The following GLRA3 variants were observed in gnomAD, a reference collection of about 807,000 sequenced individuals.
GLRA3 encodes glycine receptor subunit alpha-3.
A neutral mutation model predicts 60.4 loss-of-function variants in GLRA3; 44 were observed. The observed-to-expected ratio is 0.73, with a 90% CI of 0.57 to 0.94. The LOEUF (loss-of-function observed/expected upper bound fraction) is 0.94, where lower values mean the gene tolerates loss of function less well. GLRA3 is among the 40% of genes least tolerant of loss of function. The pLI is 0.00. For missense variants in GLRA3, 508 were observed against 564.6 expected, an observed-to-expected ratio of 0.90 and a Z score of 1.02; for synonymous variants, 223 against 192.9, an observed-to-expected ratio of 1.16 and a Z score of -1.29.
chr4:174,759,528 A>C (rs895128317), intron 3 of GLRA3, among the ~76,000 whole-genome samples: 1 of 152,114 alleles, frequency 6.6e-6, no homozygotes, highest in African/African-American at 2.4e-5. Context: ...GCTCATCTTT[A>C]TATTCAACTC....
At chr4:174,654,622 A>T (rs1006538270) in intron 9 of GLRA3, among the ~76,000 whole-genome samples, 9 of 152,076 alleles carry the variant, frequency 5.9e-5, no homozygotes, top group Non-Finnish European at 1.5e-5. Context: ...ATTGTGGAGG[A>T]AGCTACATGA....
Position 174,677,190 on chromosome 4 carries a change from C to A in GLRA3, c.815G>T (p.Trp272Leu). The A allele has an allele frequency of 6.2e-7, 1 of 1,612,298 alleles. No homozygotes were observed. Among genetic ancestry groups the A allele is most frequent in the Non-Finnish European group, 8.5e-7 (1 of 1,178,416 alleles). The change falls in exon 7 of 10, where the codon TGG becomes TTG. Residue 272 changes from tryptophan to leucine, a missense_variant. By Grantham distance (61) the Trp-to-Leu change is moderately conservative. Around this residue, in one of 3 missense-constraint regions of GLRA3, gnomAD observed 329 missense variants for 349.3 expected, o/e 0.94. Coordinates refer to ENST00000274093, the MANE Select transcript of GLRA3 (RefSeq NM_006529.4). ...ATCCATGTTGATCCAGAATGAAACCCAGGATAGAATAACAATCAGGAGACT... is the reference window on the plus strand; with the variant it reads ...ATCCATGTTGATCCAGAATGAAACCAAGGATAGAATAACAATCAGGAGACT... ...IPSLLIVILSWVSFWINMDAA... is the reference protein window; with the variant it reads ...IPSLLIVILSLVSFWINMDAA...
intron 7 of GLRA3, among the ~76,000 whole-genome samples, chr4:174,661,035 G>A (rs988311563): frequency 2.6e-5 from 4 of 152,092 alleles, no homozygotes; most frequent in African/African-American, 9.7e-5. Flanking sequence ...TTTTGAGTCA[G>A]CCCTTTCTCT....
chr4:174,758,981 CT>C (rs1355138533), intron 3 of GLRA3, among the ~76,000 whole-genome samples: 1 of 152,004 alleles, frequency 6.6e-6, no homozygotes, highest in African/African-American at 2.4e-5. Context: ...GTATTTAATG[CT>C]TTTCATATTC....
At chr4:174,796,336 G>C (rs982450540) in intron 1 of GLRA3, among the ~76,000 whole-genome samples, 4 of 152,114 alleles carry the variant, frequency 2.6e-5, no homozygotes, top group African/African-American at 9.7e-5. Context: ...AAGCCATCCA[G>C]TTTATAGTAT....
chr4:174,683,227 T>A (rs571136190), intron 5 of GLRA3, among the ~76,000 whole-genome samples: 1 of 152,328 alleles, frequency 6.6e-6, no homozygotes, highest in African/African-American at 2.4e-5. Flanking sequence ...TTCCTTGGGA[T>A]GGGTAGCTAC....
intron 4 of GLRA3, among the ~76,000 whole-genome samples, chr4:174,722,054 A>G (rs912320742): frequency 6.6e-6 from 1 of 151,984 alleles, no homozygotes; most frequent in Non-Finnish European, 1.5e-5. Flanking sequence ...ATATCTATCT[A>G]TATCTATATC....
rs1005750138 is a variant in GLRA3, at chr4:174,704,489, G to T, written c.574+10999C>A. ...GGTGTAAAGAAATTGGAACTCTAGT[G>T]TACTGCTGGTGGAGTATAAGATGGT... On this transcript the variant is annotated intron_variant, in intron 5 of 9. Coordinates refer to ENST00000274093, the MANE Select transcript of GLRA3 (RefSeq NM_006529.4). Among the ~76,000 whole-genome samples the T allele has an allele frequency of 9.7e-5, 14 of 143,764 alleles. 2 individuals carry two copies. Among genetic ancestry groups the T allele is most frequent in the African/African-American group, 3.5e-4 (14 of 39,810 alleles). 94.3% of individuals were successfully genotyped at this position (143,764 alleles called of 152,430 possible). A position where few individuals can be genotyped will look rare whatever the true frequency, so the allele number is the denominator to read the frequency against.
rs111376247 is a variant in GLRA3, at chr4:174,638,107, T to G, written c.*5679A>C. On this transcript the variant is annotated 3_prime_UTR_variant, in exon 10 of 10. Coordinates refer to ENST00000274093, the MANE Select transcript of GLRA3 (RefSeq NM_006529.4). ...TTAGGAAGTAAAAGTCATTTCTTGA[T>G]GAAGATTAACATTTTTATCATCTAG... 1 of 151,628 alleles carries G rather than the reference T, an allele frequency of 6.6e-6. No homozygotes were observed. Among genetic ancestry groups the G allele is most frequent in the African/African-American group, 2.4e-5 (1 of 40,984 alleles). The allele number at this position is 151,628 out of a possible 1,614,324, so 9.4% of individuals were successfully genotyped here.
intron 1 of GLRA3, among the ~76,000 whole-genome samples, chr4:174,825,373 G>A (rs1740926630): frequency 6.6e-6 from 1 of 151,992 alleles, no homozygotes; most frequent in Non-Finnish European, 1.5e-5. Flanking sequence ...CTAAGGCTTT[G>A]AAGTAAACCA....
chr4:174,758,868 T>C (rs1251988065), intron 3 of GLRA3, among the ~76,000 whole-genome samples: 1 of 152,094 alleles, frequency 6.6e-6, no homozygotes, highest in Non-Finnish European at 1.5e-5. Flanking sequence ...TGACAACCCC[T>C]GAAAAACATA....
At chr4:174,693,167 T>C (rs541018305) in intron 5 of GLRA3, among the ~76,000 whole-genome samples, 13 of 152,314 alleles carry the variant, frequency 8.5e-5, no homozygotes, top group African/African-American at 2.6e-4. Flanking sequence ...TATAATTAGA[T>C]CCCACTTGTT....
At chr4:174,665,337 C>T (rs1579410370) in intron 7 of GLRA3, among the ~76,000 whole-genome samples, 1 of 150,224 alleles carries the variant, frequency 6.7e-6, no homozygotes, top group African/African-American at 2.5e-5. Context: ...GCTACTTCTT[C>T]AGGGAAACTA....
At chr4:174,688,409 AT>A (rs1392475939) in intron 5 of GLRA3, among the ~76,000 whole-genome samples, 1 of 116,222 alleles carries the variant, frequency 8.6e-6, no homozygotes, top group East Asian at 2.5e-4. Flanking sequence ...CAGATTTTTT[AT>A]TTTGTTTTCC....
chr4:174,815,265 G>T (rs957368657), intron 1 of GLRA3, among the ~76,000 whole-genome samples: 21 of 152,182 alleles, frequency 1.4e-4, no homozygotes, highest in African/African-American at 5.1e-4. Flanking sequence ...CCACATTGTG[G>T]CTTTGTGGGT....
intron 5 of GLRA3, among the ~76,000 whole-genome samples, chr4:174,694,983 C>T (rs1217387456): frequency 1.3e-5 from 2 of 151,986 alleles, no homozygotes; most frequent in Admixed American, 6.6e-5. Context: ...AGAAGGGGTG[C>T]TTAAATTCCT....
chr4:174,674,332 G>A (rs1408380274), intron 7 of GLRA3, among the ~76,000 whole-genome samples: 1 of 152,042 alleles, frequency 6.6e-6, no homozygotes, highest in Non-Finnish European at 1.5e-5. Flanking sequence ...AAATTTGCTG[G>A]GAATAGAATG....
At chr4:174,814,664 A>C (rs548600765) in intron 1 of GLRA3, among the ~76,000 whole-genome samples, 23 of 152,214 alleles carry the variant, frequency 1.5e-4, no homozygotes, top group Non-Finnish European at 3.1e-4. Flanking sequence ...ATTGCAGCAG[A>C]CAAAGAGAGA....
intron 9 of GLRA3, among the ~76,000 whole-genome samples, chr4:174,653,636 G>C (rs1290438763): frequency 6.6e-6 from 1 of 151,880 alleles, no homozygotes; most frequent in Non-Finnish European, 1.5e-5. Flanking sequence ...GGACGGATAA[G>C]AAATCAATGG....
Sources: gnomAD v4.1 joint callset for allele counts (sites outside exome capture counted in the v4.1 genomes callset) on GRCh38, gnomAD v4.1.1 for gene constraint, gnomAD v4.1.1 regional missense constraint, MANE v1.5 for transcripts, NCBI Gene and HGNC (gene_info 2026-07-23, HGNC 2026-07-21) for gene names.